The following KCND2 variants were observed in gnomAD, a reference collection of about 807,000 sequenced individuals.
KCND2 encodes A-type voltage-gated potassium channel KCND2.
Under a neutral mutation model 54.4 loss-of-function variants are expected in KCND2, and 16 were observed. The observed-to-expected ratio is 0.29, with a 90% confidence interval of 0.20 to 0.45. The LOEUF is 0.45. KCND2 is among the 20% of genes least tolerant of loss of function. KCND2 has a pLI of 1.00. For missense variants in KCND2, 486 were observed against 824.2 expected, an observed-to-expected ratio of 0.59 and a Z score of 5.02; for synonymous variants, 317 against 310.7, an observed-to-expected ratio of 1.02 and a Z score of -0.21.
intron 1 of KCND2, among the ~76,000 whole-genome samples, chr7:120,655,039 A>C (rs2116550928): frequency 6.6e-6 from 1 of 151,984 alleles, no homozygotes; most frequent in East Asian, 1.9e-4. Flanking sequence ...AATACCTAAA[A>C]CACAGAATAT....
intron 1 of KCND2, among the ~76,000 whole-genome samples, chr7:120,687,724 C>T (rs1792221583): frequency 6.6e-6 from 1 of 152,000 alleles, no homozygotes; most frequent in African/African-American, 2.4e-5. Flanking sequence ...TTTGTCAATT[C>T]AAAATACATT....
chr7:120,306,577 A>C (rs1799653488), intron 1 of KCND2, among the ~76,000 whole-genome samples: 1 of 152,050 alleles, frequency 6.6e-6, no homozygotes, highest in Non-Finnish European at 1.5e-5. Context: ...ACCATTATAA[A>C]AAAAGATATG....
chr7:120,728,298 T>A (rs200935813), intron 1 of KCND2, among the ~76,000 whole-genome samples: 33,480 of 148,030 alleles, frequency 0.23, 3,848 homozygotes, highest in East Asian at 0.28. Context: ...TTTTTTTTTT[T>A]TAAAAATTTT....
intron 1 of KCND2, among the ~76,000 whole-genome samples, chr7:120,667,482 C>T (rs906710519): frequency 1.3e-5 from 2 of 151,952 alleles, no homozygotes; most frequent in Admixed American, 1.3e-4. Context: ...GAACCCCATA[C>T]TGTGTGTATA....
At chr7:120,421,775 A>G (rs1406471924) in intron 1 of KCND2, among the ~76,000 whole-genome samples, 1 of 152,242 alleles carries the variant, frequency 6.6e-6, no homozygotes, top group Non-Finnish European at 1.5e-5. Flanking sequence ...TCAAACTTTG[A>G]ATCGCTAGGC....
intron 1 of KCND2, among the ~76,000 whole-genome samples, chr7:120,681,739 C>A (rs1792142173): frequency 6.6e-6 from 1 of 151,904 alleles, no homozygotes; most frequent in Admixed American, 6.6e-5. Context: ...TGCTTATCAG[C>A]AGAATACTAT....
chr7:120,310,009 T>A (rs1799714309), intron 1 of KCND2, among the ~76,000 whole-genome samples: 1 of 151,968 alleles, frequency 6.6e-6, no homozygotes, highest in African/African-American at 2.4e-5. Context: ...AGTTTTTACT[T>A]CTTCTTTGAT....
intron 1 of KCND2, among the ~76,000 whole-genome samples, chr7:120,380,063 C>T (rs1800894148): frequency 6.6e-6 from 1 of 151,756 alleles, no homozygotes; most frequent in Non-Finnish European, 1.5e-5. Flanking sequence ...TAAATATATC[C>T]AATACACGAA....
intron 1 of KCND2, among the ~76,000 whole-genome samples, chr7:120,672,336 C>T (rs773110505): frequency 1.3e-5 from 2 of 152,094 alleles, no homozygotes; most frequent in Non-Finnish European, 2.9e-5. Context: ...AAACCACTCT[C>T]ACTACAATTA....
rs564839947 is a variant in KCND2, at chr7:120,474,995, C to G, written c.1115+199248C>G. Among the ~76,000 whole-genome samples the G allele has an allele frequency of 3.9e-5, 6 of 152,266 alleles. No individual in the cohort carries two copies. The South Asian group carries it at 1.2e-3, about 32-fold the overall frequency. On this transcript the variant is annotated intron_variant, in intron 1 of 5. Transcript: ENST00000331113. Reference sequence around the variant, plus strand: ...ACGTAGAACTATAGGTGCACAGCACCACGCCTGGCTAAGGCCTTCACTTTT... The same window carrying G: ...ACGTAGAACTATAGGTGCACAGCACGACGCCTGGCTAAGGCCTTCACTTTT...
intron 1 of KCND2, among the ~76,000 whole-genome samples, chr7:120,707,599 C>T (rs376698219): frequency 2.0e-5 from 3 of 152,186 alleles, no homozygotes; most frequent in African/African-American, 7.2e-5. Flanking sequence ...TGTATATGCA[C>T]GGTGAGCACA....
chr7:120,448,847 A>AT (rs1802058258), intron 1 of KCND2, among the ~76,000 whole-genome samples: 1 of 152,174 alleles, frequency 6.6e-6, no homozygotes, highest in African/African-American at 2.4e-5. Flanking sequence ...ATGTGGATCT[A>AT]TTTGACTTTT....
In KCND2 at chr7:120,741,579, A is replaced by G; in HGVS notation, c.1324A>G (p.Asn442Asp). The stretch of plus-strand genomic sequence containing the variant: ...CCGGGCAGCCAAAAGCGGAAGCGCA[A>G]ATGCTTACATGCAGAGCAAACGGAA... ...RIRAAKSGSA[N>D]AYMQSKRNGL... The change falls in exon 3 of 6, where the codon AAT becomes GAT. Residue 442 changes from asparagine (N) to aspartate (D), a missense_variant. By Grantham distance (23) the Asn-to-Asp change is conservative. Around this residue, in one of 7 missense-constraint regions of KCND2, gnomAD observed 202 missense variants for 252.7 expected, o/e 0.80. Transcript: ENST00000331113. 6.2e-7 allele frequency: 1 copy of G among 1,613,386 alleles called. No individual in the cohort carries two copies.
chr7:120,367,012 T>G (rs1800694127), intron 1 of KCND2, among the ~76,000 whole-genome samples: 1 of 152,136 alleles, frequency 6.6e-6, no homozygotes, highest in East Asian at 1.9e-4. Flanking sequence ...ATTTGGTGTG[T>G]AACCACAGGC....
Position 120,717,519 on chromosome 7 carries a change from A to G in KCND2, c.1116-15384A>G, listed in dbSNP as rs1347050854. Among the ~76,000 whole-genome samples, 2 of 152,162 alleles carry G rather than the reference A, an allele frequency of 1.3e-5. 1 individual carries two copies. The highest frequency in any genetic ancestry group is 1.3e-4 in the Admixed American group (2 of 15,258). On this transcript the variant is annotated intron_variant, in intron 1 of 5. Coordinates refer to ENST00000331113, the MANE Select transcript of KCND2 (RefSeq NM_012281.3). Reference sequence around the variant, plus strand: ...AAAGCAAAACAGTAGATAAGAGAGGATACTGTAACTTTGACAAAGAAAAGA... The same window carrying G: ...AAAGCAAAACAGTAGATAAGAGAGGGTACTGTAACTTTGACAAAGAAAAGA...
chr7:120,517,529 C>T (rs1469812590), intron 1 of KCND2, among the ~76,000 whole-genome samples: 1 of 152,046 alleles, frequency 6.6e-6, no homozygotes, highest in African/African-American at 2.4e-5. Flanking sequence ...CAATCTTTTT[C>T]ACTTACAAGC....
At chr7:120,681,979 A>T (rs1792145431) in intron 1 of KCND2, among the ~76,000 whole-genome samples, 1 of 152,036 alleles carries the variant, frequency 6.6e-6, no homozygotes, top group South Asian at 2.1e-4. Context: ...GTTCAATGGG[A>T]AAGATACTGT....
Position 120,490,191 on chromosome 7 carries a change from G to A in KCND2, c.1115+214444G>A, listed in dbSNP as rs1444968848. 2.0e-5 allele frequency among the ~76,000 whole-genome samples: 3 copies of A among 151,472 alleles called. No individual in the cohort carries two copies. The East Asian group carries it at 5.8e-4, about 29-fold the overall frequency. On this transcript the variant is annotated intron_variant, in intron 1 of 5. Transcript: ENST00000331113. ...TACGTTAGTATCAGTAATTTGGATG[G>A]AAATTAAATTACAACAATTTTCCCC...
At chr7:120,523,544 GA>G (rs1791727620) in intron 1 of KCND2, among the ~76,000 whole-genome samples, 1 of 147,752 alleles carries the variant, frequency 6.8e-6, no homozygotes, top group Non-Finnish European at 1.5e-5. Context: ...GTGAGAAGTG[GA>G]AAAAAATTGC....
Sources: allele counts gnomAD v4.1 joint callset (sites outside exome capture counted in the v4.1 genomes callset), GRCh38; gene constraint gnomAD v4.1.1; regional missense constraint gnomAD v4.1.1; transcripts MANE v1.5; gene names NCBI Gene and HGNC (gene_info 2026-07-23, HGNC 2026-07-21).